CACNA1C: variants seen among roughly 807,000 people sequenced by gnomAD.
CACNA1C encodes the protein calcium voltage-gated channel subunit alpha1 C, also known as voltage-dependent L-type calcium channel subunit alpha-1C.
Under a neutral mutation model 229.0 loss-of-function variants are expected in CACNA1C, and 30 were observed. The observed-to-expected ratio is 0.13, with a 90% CI of 0.10 to 0.18. CACNA1C has a LOEUF of 0.18. Ranked by LOEUF, CACNA1C falls within the 10% of genes least tolerant of loss-of-function variation. The pLI is 1.00. For missense variants in CACNA1C, 1,658 were observed against 2,845.0 expected, an observed-to-expected ratio of 0.58 and a Z score of 9.49; for synonymous variants, 1,114 against 1,132.5, an observed-to-expected ratio of 0.98 and a Z score of 0.33.
Position 2,240,183 on chromosome 12 carries a change from A to G in CACNA1C, c.477+119753A>G, listed in dbSNP as rs1468850561. ...GGATGGTCGCTCTTTGCTTGGCTTG[A>G]TCTGTAGTCTTCAGAGAAGCAGAGA... On this transcript the variant is annotated intron_variant, in intron 3 of 46. Coordinates refer to ENST00000399655, the MANE Select transcript of CACNA1C (RefSeq NM_000719.7). Among the ~76,000 whole-genome samples the G allele has an allele frequency of 2.0e-5, 3 of 152,160 alleles. No individual in the cohort carries two copies. The East Asian group carries it at 5.8e-4, about 29-fold the overall frequency.
rs118005242 is a variant in CACNA1C, at chr12:2,273,172, A to G, written c.477+152742A>G. 6.2e-3 allele frequency among the ~76,000 whole-genome samples: 946 copies of G among 152,344 alleles called. 15 individuals are homozygous for G. The highest frequency in any genetic ancestry group is 0.026 in the Admixed American group (403 of 15,304). On this transcript the variant is annotated intron_variant, in intron 3 of 46. Transcript: ENST00000399655. Reference sequence around the variant, plus strand: ...CTTGCATAAAATGCATAGTGTTTTCATATAACCTATGCACATCCTCTTGTG... The same window carrying G: ...CTTGCATAAAATGCATAGTGTTTTCGTATAACCTATGCACATCCTCTTGTG...
intron 30 of CACNA1C, among the ~76,000 whole-genome samples, chr12:2,641,142 A>G (rs1255019150): frequency 1.3e-5 from 2 of 152,220 alleles, no homozygotes; most frequent in African/African-American, 4.8e-5. Context: ...CAGAAAGCAG[A>G]TTTGTCCAAG....
chr12:2,388,015 C>A lies in CACNA1C; in HGVS notation c.478-60961C>A, dbSNP rs1297038536. ...GACCAAGCCTTGAGTAGGGAAGAGG[C>A]TGCTGCAATGGATAGAAGGGAGGGG... On this transcript the variant is annotated intron_variant, in intron 3 of 46. Coordinates refer to ENST00000399655, the MANE Select transcript of CACNA1C (RefSeq NM_000719.7). Among the ~76,000 whole-genome samples, 5 of 152,238 alleles carry A rather than the reference C, an allele frequency of 3.3e-5. No homozygotes were observed. The East Asian group carries it at 9.7e-4, about 29-fold the overall frequency.
chr12:2,494,781 T>C (rs2154572088), intron 7 of CACNA1C, among the ~76,000 whole-genome samples: 1 of 152,350 alleles, frequency 6.6e-6, no homozygotes, highest in East Asian at 1.9e-4. Flanking sequence ...TCTCAGTTTT[T>C]ACATGATAGT....
intron 3 of CACNA1C, among the ~76,000 whole-genome samples, chr12:2,277,332 TAGACAGAC>T (rs1282160208): frequency 0.015 from 1,713 of 116,646 alleles, 76 homozygotes; most frequent in South Asian, 0.017. Context: ...CTCCTTCTAG[TAGACAGAC>T]AGACAGACAG....
intron 38 of CACNA1C, among the ~76,000 whole-genome samples, chr12:2,673,507 GT>G (rs1220923764): frequency 1.3e-5 from 2 of 151,840 alleles, no homozygotes; most frequent in African/African-American, 4.8e-5. Context: ...GTAGCTCATG[GT>G]TTTGCAGGTC....
intron 10 of CACNA1C, among the ~76,000 whole-genome samples, chr12:2,550,955 G>C (rs1283035287): frequency 6.6e-6 from 1 of 152,248 alleles, no homozygotes; most frequent in Non-Finnish European, 1.5e-5. Context: ...CTGCACTGCA[G>C]ATTTCTCAGC....
chr12:2,546,894 G>A (rs977759636), intron 9 of CACNA1C, among the ~76,000 whole-genome samples: 1 of 152,176 alleles, frequency 6.6e-6, no homozygotes, highest in Non-Finnish European at 1.5e-5. Context: ...TCGACCAGTG[G>A]GTTGTTTTTC....
chr12:2,349,961 A>G (rs1316908165), intron 3 of CACNA1C, among the ~76,000 whole-genome samples: 1 of 150,062 alleles, frequency 6.7e-6, no homozygotes, highest in Non-Finnish European at 1.5e-5. Context: ...TTGCAGAGAC[A>G]GTCAGAGAAA....
At chr12:2,503,563 A>T (rs979843919) in intron 7 of CACNA1C, among the ~76,000 whole-genome samples, 5 of 152,150 alleles carry the variant, frequency 3.3e-5, no homozygotes, top group Admixed American at 2.0e-4. Context: ...CAGGGGGCTG[A>T]TTTATTGCTT....
intron 3 of CACNA1C, among the ~76,000 whole-genome samples, chr12:2,283,469 T>A (rs1325359656): frequency 6.6e-6 from 1 of 152,142 alleles, no homozygotes; most frequent in Non-Finnish European, 1.5e-5. Flanking sequence ...CCTTACTCTA[T>A]ATCCACACTC....
At chr12:2,077,896 A>C (rs957004196) in intron 1 of CACNA1C, among the ~76,000 whole-genome samples, 6 of 152,256 alleles carry the variant, frequency 3.9e-5, no homozygotes, top group Admixed American at 1.3e-4. Flanking sequence ...ACCTGAATTC[A>C]TACTACTTGC....
intron 3 of CACNA1C, among the ~76,000 whole-genome samples, chr12:2,282,300 CTCT>C (rs1321147703): frequency 2.0e-5 from 3 of 152,172 alleles, no homozygotes; most frequent in Admixed American, 6.5e-5. Flanking sequence ...TGCTTCCTCC[CTCT>C]TCTTCTTTCC....
chr12:2,659,056 T>G (rs1485044459), intron 34 of CACNA1C, among the ~76,000 whole-genome samples: 1 of 152,162 alleles, frequency 6.6e-6, no homozygotes, highest in Admixed American at 6.5e-5. Context: ...AAAGTACTTT[T>G]TATAAATTTG....
chr12:2,368,149 C>T (rs1255652376), intron 3 of CACNA1C, among the ~76,000 whole-genome samples: 2 of 147,406 alleles, frequency 1.4e-5, no homozygotes, highest in Admixed American at 6.9e-5. Flanking sequence ...TCTTAAAATA[C>T]TAGGAATAGA....
At chr12:2,239,822 G>C (rs903415173) in intron 3 of CACNA1C, among the ~76,000 whole-genome samples, 1 of 152,164 alleles carries the variant, frequency 6.6e-6, no homozygotes, top group Admixed American at 6.5e-5. Flanking sequence ...GAGCATCTGC[G>C]GGGGGCGGTG....
At chr12:2,261,234 A>C in intron 3 of CACNA1C, among the ~76,000 whole-genome samples, 1 of 152,234 alleles carries the variant, frequency 6.6e-6, no homozygotes, top group African/African-American at 2.4e-5. Context: ...TCCGTCTCAA[A>C]AAAAAAAACA....
intron 3 of CACNA1C, among the ~76,000 whole-genome samples, chr12:2,151,170 A>G (rs1182145462): frequency 6.6e-6 from 1 of 152,190 alleles, no homozygotes; most frequent in Non-Finnish European, 1.5e-5. Flanking sequence ...ATCAATGTTT[A>G]TGGATCATTG....
At chr12:2,299,677 C>T (rs939801221) in intron 3 of CACNA1C, among the ~76,000 whole-genome samples, 4 of 152,096 alleles carry the variant, frequency 2.6e-5, no homozygotes, top group African/African-American at 9.7e-5. Flanking sequence ...AATAGTGAAG[C>T]TTCCCAGAAG....
Sources: gnomAD v4.1 joint callset for allele counts (sites outside exome capture counted in the v4.1 genomes callset) on GRCh38, gnomAD v4.1.1 for gene constraint, MANE v1.5 for transcripts, NCBI Gene and HGNC (gene_info 2026-07-23, HGNC 2026-07-21) for gene names.